TAFA4: variants seen among roughly 807,000 people sequenced by gnomAD.
The protein encoded by TAFA4 is chemokine-like protein TAFA-4.
Under a neutral mutation model 21.1 loss-of-function variants are expected in TAFA4, and 20 were observed. The ratio of observed to expected loss-of-function variants is 0.95; its 90% CI spans 0.67 to 1.38. The LOEUF (loss-of-function observed/expected upper bound fraction) is 1.38, where lower values mean the gene tolerates loss of function less well. TAFA4 is among the 40% of genes most tolerant of loss of function. TAFA4 has a pLI of 0.00. For synonymous variants in TAFA4, 71 were observed against 67.4 expected, an observed-to-expected ratio of 1.05 and a Z score of -0.26; for missense variants, 211 against 180.9, an observed-to-expected ratio of 1.17 and a Z score of -0.95.
chr3:68,765,041 A>G (rs1702823116), intron 3 of TAFA4, among the ~76,000 whole-genome samples: 2 of 152,072 alleles, frequency 1.3e-5, no homozygotes, highest in South Asian at 2.1e-4. Context: ...GCTTGGGTTC[A>G]GTTTCAAAGA....
chr3:68,814,783 T>A (rs1282452216), intron 3 of TAFA4, among the ~76,000 whole-genome samples: 1 of 152,132 alleles, frequency 6.6e-6, no homozygotes, highest in African/African-American at 2.4e-5. Context: ...AAGCTACCAA[T>A]GACTTTCTTC....
At chr3:68,747,140 T>C (rs941837104) in intron 4 of TAFA4, among the ~76,000 whole-genome samples, 2 of 152,224 alleles carry the variant, frequency 1.3e-5, no homozygotes, top group Admixed American at 6.5e-5. Context: ...AAAATAATTC[T>C]AATCCATGAT....
intron 1 of TAFA4, among the ~76,000 whole-genome samples, chr3:68,906,043 G>C (rs2089897738): frequency 6.6e-6 from 1 of 152,212 alleles, no homozygotes; most frequent in African/African-American, 2.4e-5. Flanking sequence ...AAACAATAAA[G>C]TAAATTCCCA....
intron 3 of TAFA4, among the ~76,000 whole-genome samples, chr3:68,801,377 G>C (rs1018834077): frequency 2.0e-5 from 3 of 152,104 alleles, no homozygotes; most frequent in African/African-American, 7.2e-5. Context: ...AGCCTTTGGG[G>C]GAAATATATA....
At chr3:68,866,827 A>C (rs897049012) in intron 3 of TAFA4, among the ~76,000 whole-genome samples, 2 of 151,898 alleles carry the variant, frequency 1.3e-5, no homozygotes, top group African/African-American at 4.8e-5. Context: ...AAACCAGAAA[A>C]AAGTCTGTGA....
intron 3 of TAFA4, among the ~76,000 whole-genome samples, chr3:68,781,723 G>GA (rs1040956790): frequency 2.6e-5 from 4 of 152,016 alleles, no homozygotes; most frequent in African/African-American, 9.7e-5. Context: ...AACTCTTCCA[G>GA]AAAAAGGAAT....
chr3:68,763,903 C>G (rs1702802766), intron 3 of TAFA4, among the ~76,000 whole-genome samples: 1 of 151,270 alleles, frequency 6.6e-6, no homozygotes, highest in South Asian at 2.1e-4. Flanking sequence ...CATAAGTATG[C>G]ATACACTGAA....
At chr3:68,909,118 C>T (rs2089930991) in intron 1 of TAFA4, among the ~76,000 whole-genome samples, 1 of 152,132 alleles carries the variant, frequency 6.6e-6, no homozygotes, top group Admixed American at 6.5e-5. Flanking sequence ...AGTCGGGCTG[C>T]ACAGCTCTAG....
chr3:68,745,837 G>T (rs1055616986), intron 4 of TAFA4, among the ~76,000 whole-genome samples: 1 of 152,162 alleles, frequency 6.6e-6, no homozygotes. Flanking sequence ...ATTTAGTTTA[G>T]CTGTATTTAC....
At chr3:68,733,433 C>T (rs557722079) in intron 5 of TAFA4, among the ~76,000 whole-genome samples, 16 of 152,240 alleles carry the variant, frequency 1.1e-4, no homozygotes, top group South Asian at 1.0e-3. Flanking sequence ...GTACACTCAT[C>T]GCCCATCAGT....
At chr3:68,812,766 C>T (rs1317575496) in intron 3 of TAFA4, among the ~76,000 whole-genome samples, 1 of 152,092 alleles carries the variant, frequency 6.6e-6, no homozygotes, top group Non-Finnish European at 1.5e-5. Context: ...GACAGATCAA[C>T]AAGACCGAAA....
chr3:68,918,000 G>A (rs903352741), intron 1 of TAFA4, among the ~76,000 whole-genome samples: 1 of 152,068 alleles, frequency 6.6e-6, no homozygotes. Context: ...GTCATCAATT[G>A]GAAACTCCCA....
intron 1 of TAFA4, among the ~76,000 whole-genome samples, chr3:68,920,427 G>C (rs1177088648): frequency 6.6e-6 from 1 of 152,064 alleles, no homozygotes; most frequent in African/African-American, 2.4e-5. Flanking sequence ...TGATTAGTTG[G>C]CATTGATACA....
chr3:68,865,628 CT>C (rs2089406783), intron 3 of TAFA4, among the ~76,000 whole-genome samples: 1 of 152,110 alleles, frequency 6.6e-6, no homozygotes, highest in African/African-American at 2.4e-5. Context: ...ATAAATTACC[CT>C]GTCTTGGGTA....
intron 3 of TAFA4, among the ~76,000 whole-genome samples, chr3:68,858,859 A>AT (rs1359897097): frequency 6.6e-6 from 1 of 151,942 alleles, no homozygotes; most frequent in Non-Finnish European, 1.5e-5. Flanking sequence ...TAATCTAATT[A>AT]TTTTTTTCTT....
chr3:68,799,753 C>CATGTCTCCCCTAGAGCAG (rs1553642460), intron 3 of TAFA4, among the ~76,000 whole-genome samples: 11 of 151,788 alleles, frequency 7.2e-5, no homozygotes, highest in East Asian at 1.9e-4. Flanking sequence ...GCAAAGAGAT[C>CATGTCTCCCCTAGAGCAG]GTGTCTCCAA....
chr3:68,740,027 T>C (rs561353094), intron 4 of TAFA4, among the ~76,000 whole-genome samples: 31 of 152,332 alleles, frequency 2.0e-4, no homozygotes, highest in African/African-American at 7.0e-4. Flanking sequence ...TTGTAAAATA[T>C]AGCTGGTGAG....
chr3:68,905,281 T>C (rs1408008456), intron 1 of TAFA4, among the ~76,000 whole-genome samples: 1 of 150,300 alleles, frequency 6.7e-6, no homozygotes, highest in African/African-American at 2.4e-5. Flanking sequence ...GCAATTCTCC[T>C]GCCTCAGCTT....
chr3:68,772,612 T>A (rs983830852), intron 3 of TAFA4, among the ~76,000 whole-genome samples: 1 of 152,152 alleles, frequency 6.6e-6, no homozygotes, highest in Non-Finnish European at 1.5e-5. Flanking sequence ...ACCATTGGCT[T>A]CCCTGGTTCC....
Sources: allele counts gnomAD v4.1 joint callset (sites outside exome capture counted in the v4.1 genomes callset), GRCh38; gene constraint gnomAD v4.1.1; transcripts MANE v1.5; gene names NCBI Gene and HGNC (gene_info 2026-07-23, HGNC 2026-07-21).